The following NLRC5 variants were observed in gnomAD, a reference collection of about 807,000 sequenced individuals.
NLRC5 encodes the protein NLR family CARD domain containing 5, also known as protein NLRC5.
NLRC5 carries 114 observed loss-of-function variants against 206.9 expected under a neutral mutation model. The observed-to-expected ratio is 0.55, with a 90% confidence interval of 0.47 to 0.64. NLRC5 has a LOEUF of 0.64. NLRC5 is among the 30% of genes least tolerant of loss of function. NLRC5 has a pLI of 0.00. For missense variants in NLRC5, 2,008 were observed against 2,305.5 expected (o/e 0.87, Z 2.64); for synonymous variants, 952 against 962.8 (o/e 0.99, Z 0.21).
At position 57,026,285 on chromosome 16, in the gene NLRC5, C is replaced by T. The variant is rs926111764; in HGVS notation, c.1342C>T (p.Pro448Ser). 6.2e-7 allele frequency: 1 copy of T among 1,614,068 alleles called. No homozygotes were observed. The highest frequency in any genetic ancestry group is 8.5e-7 in the Non-Finnish European group (1 of 1,180,028). Reference protein sequence around the residue: ...LYMQMVLALSPPGHLPTSSLL... With the variant: ...LYMQMVLALSSPGHLPTSSLL... ...TATGCAGATGGTGCTCGCCCTCAGC[C>T]CCCCTGGGCACTTGCCCACCTCGTC... Residue 448 changes from proline (P) to serine (S), a missense_variant, in exon 6 of 49, where the codon CCC becomes TCC. Transcript: ENST00000688547.
At chr16:57,047,943 C>T (rs1227010638) in intron 23 of NLRC5, 1 of 390,318 alleles carries the variant, frequency 2.6e-6, no homozygotes, top group Non-Finnish European at 4.7e-6. Context: ...ACCAGGGCAC[C>T]CACTTGAACC....
intron 30 of NLRC5, among the ~76,000 whole-genome samples, chr16:57,060,130 G>A (rs1314206399): frequency 6.6e-6 from 1 of 151,240 alleles, no homozygotes; most frequent in Non-Finnish European, 1.5e-5. Context: ...CTTCAGCTGT[G>A]AACAGGGCCT....
chr16:57,077,622 T>G (rs1321187809), intron 41 of NLRC5, 97 bp from the exon 42 acceptor site: 14 of 1,256,550 alleles, frequency 1.1e-5, no homozygotes, highest in African/African-American at 1.5e-5. Flanking sequence ...GGTTGTCTCT[T>G]AGGCCCCCTG....
At chr16:57,019,160 C>T (rs1409924305) in intron 2 of NLRC5, among the ~76,000 whole-genome samples, 2 of 152,098 alleles carry the variant, frequency 1.3e-5, no homozygotes, top group East Asian at 1.9e-4. Flanking sequence ...TTTGGGAGGC[C>T]GAGGTGGGCA....
intron 20 of NLRC5, among the ~76,000 whole-genome samples, chr16:57,044,530 A>G (rs1032851372): frequency 6.6e-6 from 1 of 152,078 alleles, no homozygotes; most frequent in East Asian, 1.9e-4. Context: ...CAGCAGATGG[A>G]CCAGGCTCAG....
Position 57,025,740 on chromosome 16 carries a change from T to C in NLRC5, c.797T>C (p.Leu266Ser), listed in dbSNP as rs1473629786. The C allele has an allele frequency of 2.5e-6, 4 of 1,614,244 alleles. No homozygotes were observed. Among genetic ancestry groups the C allele is most frequent in the Non-Finnish European group, 3.4e-6 (4 of 1,180,034 alleles). ...LFLFEFRQLN[L>S]ITRFLTPSEL... ...CTTTTTGAATTCCGCCAGCTCAACT[T>C]GATCACGAGGTTCCTGACACCGTCC... The change falls in exon 6 of 49, where the codon TTG (leucine) becomes TCG (serine). Residue 266 changes from leucine (L) to serine (S), a missense_variant. Coordinates refer to ENST00000688547, the MANE Select transcript of NLRC5 (RefSeq NM_001384950.1).
chr16:57,076,802 A>C lies in NLRC5; in HGVS notation c.4752-17A>C. 2 of 1,613,594 alleles carry C rather than the reference A, an allele frequency of 1.2e-6. No individual in the cohort carries two copies. Among genetic ancestry groups the C allele is most frequent in the Non-Finnish European group, 1.7e-6 (2 of 1,179,536 alleles). On this transcript the variant is annotated splice_polypyrimidine_tract_variant and intron_variant, in intron 39 of 48. Coordinates refer to ENST00000688547, the MANE Select transcript of NLRC5 (RefSeq NM_001384950.1). ...TAAGCTCCTGAAAGCCTCTTGGTCT[A>C]TTCCCTGCTTTTCCAGACTGAACAG... is the stretch of plus-strand genomic sequence containing the variant.
chr16:57,045,529 C>G, intron 21 of NLRC5, 37 bp downstream of exon 21: 1 of 1,604,652 alleles, frequency 6.2e-7, no homozygotes, highest in Non-Finnish European at 8.5e-7. Context: ...GAGTCCCCTC[C>G]CGCTCTGGTC....
In NLRC5 at chr16:57,079,102, C is replaced by T; in HGVS notation, c.5134C>T (p.Leu1712=). Residue 1712 remains leucine (L), a synonymous_variant, in exon 44 of 49, where the codon CTG becomes TTG. Transcript: ENST00000688547. ...PGGALSLAQA[L]DGSPHLEEIS... is the part of the protein sequence containing the mutation. ...TGGGGCCCTGAGCCTGGCCCAGGCCCTGGATGGATCCCCCCATTTGGAAGA... is the reference window on the plus strand; with the variant it reads ...TGGGGCCCTGAGCCTGGCCCAGGCCTTGGATGGATCCCCCCATTTGGAAGA... 3.1e-6 allele frequency: 5 copies of T among 1,614,166 alleles called. No homozygotes were observed. Among genetic ancestry groups the T allele is most frequent in the Non-Finnish European group, 4.2e-6 (5 of 1,180,036 alleles).
chr16:57,025,965 G>C lies in NLRC5; in HGVS notation c.1022G>C (p.Arg341Pro), dbSNP rs143641044. The stretch of plus-strand genomic sequence containing the variant: ...AATGGGACCCTCCTGCCTGGCTGCC[G>C]GGTGATGGCTACCTCCCGTCCAGGG... ...LCNGTLLPGC[R>P]VMATSRPGKL... Residue 341 changes from arginine (R) to proline (P), a missense_variant, in exon 6 of 49, where the codon CGG becomes CCG. Arg to Pro is a moderately radical substitution (Grantham distance 103). Transcript: ENST00000688547. 6 of 1,613,978 alleles carry C rather than the reference G, an allele frequency of 3.7e-6. No individual in the cohort carries two copies. The highest frequency in any genetic ancestry group is 4.2e-6 in the Non-Finnish European group (5 of 1,180,010).
Position 57,079,262 on chromosome 16 carries a change from G to A in NLRC5, c.5207G>A (p.Cys1736Tyr), listed in dbSNP as rs1291860590. The change falls in exon 45 of 49, where the codon TGT becomes TAT. Residue 1736 changes from cysteine to tyrosine, a missense_variant. Physicochemically the swap from Cys to Tyr is radical, Grantham distance 194. Coordinates refer to ENST00000688547, the MANE Select transcript of NLRC5 (RefSeq NM_001384950.1). ...CTGGCTGGAGGGGTCCTGCGTTTCT[G>A]TATGGAGCTCCCGCTGCTCAGACAG... ...NNLAGGVLRF[C>Y]MELPLLRQID... The A allele has an allele frequency of 2.5e-6, 4 of 1,613,470 alleles. No individual in the cohort carries two copies. In the African/African-American group the frequency reaches 5.3e-5, roughly 22 times the overall value.
chr16:57,061,943 A>T, intron 32 of NLRC5: 1 of 1,521,084 alleles, frequency 6.6e-7, no homozygotes, highest in Non-Finnish European at 8.8e-7. Flanking sequence ...AGAAAGAAAG[A>T]AAGAAAGAAG....
At chr16:57,002,942 C>A (rs1314215170) in intron 1 of NLRC5, among the ~76,000 whole-genome samples, 1 of 152,046 alleles carries the variant, frequency 6.6e-6, no homozygotes. Context: ...CGTGCCCAGC[C>A]CTATTTTTAG....
At chr16:57,061,926 GA>G (rs1224654532) in intron 32 of NLRC5, 2 of 1,510,952 alleles carry the variant, frequency 1.3e-6, no homozygotes, top group South Asian at 1.2e-5. Context: ...TGGGATTTAA[GA>G]AAAAAAGAAA....
rs746440340 is a variant in NLRC5 at position 57,079,562 on chromosome 16, A to C, written c.5254A>C (p.Ile1752Leu). Residue 1752 changes from isoleucine to leucine, a missense_variant, in exon 46 of 49, where the codon ATT becomes CTT. Ile to Leu is a conservative substitution (Grantham distance 5). Coordinates refer to ENST00000688547, the MANE Select transcript of NLRC5 (RefSeq NM_001384950.1). Reference protein sequence around the residue: ...LRQIDLVSCKIDNQTAKLLTS... With the variant: ...LRQIDLVSCKLDNQTAKLLTS... ...CATCCCCAGCCTGGTTTCCTGTAAGATTGACAACCAGACTGCCAAGCTCCT... is the reference window on the plus strand; with the variant it reads ...CATCCCCAGCCTGGTTTCCTGTAAGCTTGACAACCAGACTGCCAAGCTCCT... 6.2e-7 allele frequency: 1 copy of C among 1,614,062 alleles called. No homozygotes were observed. The highest frequency in any genetic ancestry group is 8.5e-7 in the Non-Finnish European group (1 of 1,179,978).
At chr16:57,043,789 T>TAA in intron 20 of NLRC5, 185 bp downstream of exon 20, 1 of 628,024 alleles carries the variant, frequency 1.6e-6, no homozygotes, top group Non-Finnish European at 2.9e-6. Flanking sequence ...AATGAATGAA[T>TAA]AAGTATGGCC....
intron 28 of NLRC5, chr16:57,058,564 C>T (rs1319437731): frequency 1.6e-5 from 5 of 316,374 alleles, no homozygotes; most frequent in Admixed American, 4.5e-5. Flanking sequence ...AGGCAAGGGG[C>T]CTTAGGAAGT....
In NLRC5 at chr16:57,081,538, A is replaced by T; in HGVS notation, c.5417A>T (p.Asn1806Ile). Residue 1806 changes from asparagine (N) to isoleucine (I), a missense_variant, in exon 48 of 49, where the codon AAT becomes ATT. Transcript: ENST00000688547. ...GRLKRVDLEK[N>I]QITALGAWLL... ...TGTCCACTGAGAAGCCTGGAGAAGA[A>T]TCAGATCACAGCTTTGGGGGCCTGG... is the stretch of plus-strand genomic sequence containing the variant. 6.2e-7 allele frequency: 1 copy of T among 1,614,078 alleles called. No homozygotes were observed. The highest frequency in any genetic ancestry group is 8.5e-7 in the Non-Finnish European group (1 of 1,179,984).
At position 57,059,046 on chromosome 16, in the gene NLRC5, G is replaced by A. The variant is rs199476000; in HGVS notation, c.3905G>A (p.Arg1302Gln). ...LETLPSCPRV[R>Q]EASVNLGSEQ... Reference sequence around the variant, plus strand: ...ACACTGCCCTCCTGCCCACGTGTCCGGGAGGCCTCAGTGAAGTAAGGGGAT... The same window carrying A: ...ACACTGCCCTCCTGCCCACGTGTCCAGGAGGCCTCAGTGAAGTAAGGGGAT... The change falls in exon 29 of 49, where the codon CGG becomes CAG. Residue 1302 changes from arginine (R) to glutamine (Q), a missense_variant. By Grantham distance (43) the Arg-to-Gln change is conservative. Transcript: ENST00000688547. 1.2e-5 allele frequency: 20 copies of A among 1,614,034 alleles called. No individual in the cohort carries two copies. Among genetic ancestry groups the A allele is most frequent in the Admixed American group, 1.0e-4 (6 of 60,016 alleles).
Sources: allele counts gnomAD v4.1 joint callset (sites outside exome capture counted in the v4.1 genomes callset), GRCh38; gene constraint gnomAD v4.1.1; transcripts MANE v1.5; gene names NCBI Gene and HGNC (gene_info 2026-07-23, HGNC 2026-07-21).